The following MON1A variants were observed in gnomAD, a reference collection of about 807,000 sequenced individuals.
MON1A encodes vacuolar fusion protein MON1 homolog A.
A neutral mutation model predicts 44.6 loss-of-function variants in MON1A; 29 were observed. The observed-to-expected ratio is 0.65, with a 90% CI of 0.48 to 0.89. MON1A has a LOEUF of 0.89. Ranked by LOEUF, MON1A falls within the 40% of genes least tolerant of loss-of-function variation. The pLI is 0.00. For missense variants in MON1A, 615 were observed against 759.6 expected, an observed-to-expected ratio of 0.81 and a Z score of 2.24; for synonymous variants, 275 against 316.4, an observed-to-expected ratio of 0.87 and a Z score of 1.39.
rs1178707969 is a variant in MON1A, at chr3:49,909,826, C to A, written c.1379+293G>T. 5 of 385,824 alleles carry A rather than the reference C, an allele frequency of 1.3e-5. No homozygotes were observed. In the East Asian group the frequency reaches 2.1e-4, roughly 16 times the overall value. The allele number at this position is 385,824 out of a possible 1,614,324, so 23.9% of individuals were successfully genotyped here. A position where few individuals can be genotyped will look rare whatever the true frequency, so the allele number is the denominator to read the frequency against. The stretch of plus-strand genomic sequence containing the variant: ...TTCCTGAGCTGGACCAAAATGACCC[C>A]TAAAGTAGAGTTGCTCCAGGGCAAG... On this transcript the variant is annotated intron_variant, in intron 4 of 5. Transcript: ENST00000296473. This position sits in a 1 kb window ranked among gnomAD's most constrained non-coding sequence, Gnocchi z 4.0.
At chr3:49,918,515 G>A (rs1240885426) in intron 1 of MON1A, among the ~76,000 whole-genome samples, 1 of 151,362 alleles carries the variant, frequency 6.6e-6, no homozygotes, top group Non-Finnish European at 1.5e-5. Context: ...AGATTCAAGC[G>A]ATTCTCCTGC....
chr3:49,908,874 T>TC lies in MON1A; in HGVS notation c.*139dup. 1 of 950,538 alleles carries TC rather than the reference T, an allele frequency of 1.1e-6. No individual in the cohort carries two copies. The highest frequency in any genetic ancestry group is 1.5e-6 in the Non-Finnish European group (1 of 648,842). 58.9% of individuals were successfully genotyped at this position (950,538 alleles called of 1,614,324 possible). ...AAGTGACAGAGCTTGACAAGTGTCT[T>TC]CCCCAAAGCACTTTAATGCATTCAC... is the stretch of plus-strand genomic sequence containing the variant. On this transcript the variant is annotated 3_prime_UTR_variant, in exon 6 of 6. Coordinates refer to ENST00000296473, the MANE Select transcript of MON1A (RefSeq NM_032355.4).
At chr3:49,929,474 G>A in intron 1 of MON1A, 135 bp downstream of exon 1, 1 of 1,031,390 alleles carries the variant, frequency 9.7e-7, no homozygotes, top group Non-Finnish European at 1.5e-6. Flanking sequence ...AGGGACCGCA[G>A]GGAGACACAG....
At chr3:49,914,357 A>G (rs1444207499) in intron 1 of MON1A, among the ~76,000 whole-genome samples, 1 of 151,768 alleles carries the variant, frequency 6.6e-6, no homozygotes, top group Non-Finnish European at 1.5e-5. Flanking sequence ...TGCTGGGATT[A>G]CAGGTGTGAG....
chr3:49,918,981 A>G (rs1437832838), intron 1 of MON1A, among the ~76,000 whole-genome samples: 1 of 152,154 alleles, frequency 6.6e-6, no homozygotes, highest in African/African-American at 2.4e-5. Context: ...TAGGAGTTTG[A>G]GACCAGCTTA....
intron 2 of MON1A, 91 bp from the exon 3 acceptor site, chr3:49,912,102 T>C: frequency 6.9e-7 from 1 of 1,440,986 alleles, no homozygotes; most frequent in Non-Finnish European, 9.3e-7. Flanking sequence ...CCAGCATGAC[T>C]GCCTGTCTTG....
chr3:49,929,560 C>T lies in MON1A; in HGVS notation c.-14+49G>A, dbSNP rs1025924154. On this transcript the variant is annotated intron_variant, in intron 1 of 5. Coordinates refer to ENST00000296473, the MANE Select transcript of MON1A (RefSeq NM_032355.4). ...GCCCCTCCCTCCAAAGATGACAGCT[C>T]TCCAGTCTCTAGGTGCCTCCAGGCC... 2.8e-5 allele frequency: 43 copies of T among 1,547,732 alleles called. No homozygotes were observed. The Admixed American group carries it at 5.1e-4, about 18-fold the overall frequency.
intron 1 of MON1A, among the ~76,000 whole-genome samples, chr3:49,914,309 C>T (rs1260475435): frequency 6.6e-6 from 1 of 151,818 alleles, no homozygotes; most frequent in Admixed American, 6.6e-5. Flanking sequence ...TCTCGAACTC[C>T]CGACCTCAAG....
Position 49,911,683 on chromosome 3 carries a change from G to A in MON1A, c.456C>T (p.Arg152=), listed in dbSNP as rs2082886955. The A allele has an allele frequency of 1.2e-6, 2 of 1,614,140 alleles. No individual in the cohort carries two copies. The highest frequency in any genetic ancestry group is 2.2e-5 in the South Asian group (2 of 91,084). The change falls in exon 3 of 6, where the codon CGC becomes CGT. Residue 152 remains arginine (R), a synonymous_variant. Coordinates refer to ENST00000296473, the MANE Select transcript of MON1A (RefSeq NM_032355.4). This position sits in a 1 kb window ranked among gnomAD's most constrained non-coding sequence, Gnocchi z 5.7. ...GCACAAAGACATGCTTCTGGTGCAG[G>A]CGCCATGCCTCCGTGGCATCCTCCT... ...GDEEDATEAW[R]LHQKHVFVLS...
chr3:49,913,884 G>A (rs945158447), intron 1 of MON1A, among the ~76,000 whole-genome samples: 9 of 151,430 alleles, frequency 5.9e-5, no homozygotes, highest in Non-Finnish European at 1.0e-4. Context: ...GGCTGGTCTT[G>A]AACTCCTGAC....
Position 49,908,907 on chromosome 3 carries a change from C to T in MON1A, c.*107G>A, listed in dbSNP as rs1375069041. 1 of 1,360,726 alleles carries T rather than the reference C, an allele frequency of 7.3e-7. No individual in the cohort carries two copies. Among genetic ancestry groups the T allele is most frequent in the South Asian group, 1.5e-5 (1 of 67,550 alleles). The allele number at this position is 1,360,726 out of a possible 1,614,324, so 84.3% of individuals were successfully genotyped here. On this transcript the variant is annotated 3_prime_UTR_variant, in exon 6 of 6. Coordinates refer to ENST00000296473, the MANE Select transcript of MON1A (RefSeq NM_032355.4). ...GCACTTTAATGCATTCACCAACCCA[C>T]AGTCCCTGCCCGCTGGCTGGGCAAG... is the stretch of plus-strand genomic sequence containing the variant.
chr3:49,923,245 G>A (rs946507540), intron 1 of MON1A, among the ~76,000 whole-genome samples: 3 of 150,174 alleles, frequency 2.0e-5, no homozygotes, highest in African/African-American at 7.3e-5. Context: ...GGGAGGCTGA[G>A]GCAGGAGAAT....
intron 1 of MON1A, chr3:49,920,474 A>G (rs2082986470): frequency 6.6e-6 from 1 of 152,192 alleles, no homozygotes; most frequent in Non-Finnish European, 1.5e-5. Flanking sequence ...TCTGACTTAA[A>G]GAGGCACACA....
intron 2 of MON1A, 101 bp from the exon 3 acceptor site, chr3:49,912,112 G>C: frequency 7.2e-7 from 1 of 1,395,766 alleles, no homozygotes; most frequent in Non-Finnish European, 9.6e-7. Context: ...TGCCTGTCTT[G>C]TTAGGATCAA....
At chr3:49,916,249 C>T in intron 1 of MON1A, among the ~76,000 whole-genome samples, 1 of 152,154 alleles carries the variant, frequency 6.6e-6, no homozygotes, top group East Asian at 1.9e-4. Flanking sequence ...AAAGGGTGGT[C>T]CCAAACAGAT....
chr3:49,913,115 GA>G, intron 2 of MON1A, 104 bp downstream of exon 2: 1 of 1,476,652 alleles, frequency 6.8e-7, no homozygotes, highest in Non-Finnish European at 9.4e-7. Flanking sequence ...ATGAGTGACT[GA>G]CAAATGCATG....
intron 1 of MON1A, among the ~76,000 whole-genome samples, chr3:49,925,181 C>A (rs1481341210): frequency 6.6e-6 from 1 of 152,136 alleles, no homozygotes; most frequent in Non-Finnish European, 1.5e-5. Context: ...ATAGTGTGAT[C>A]ATGGTTCACT....
At chr3:49,923,210 G>T (rs969286462) in intron 1 of MON1A, among the ~76,000 whole-genome samples, 7 of 151,284 alleles carry the variant, frequency 4.6e-5, no homozygotes, top group Non-Finnish European at 1.5e-5. Flanking sequence ...GTGTGGTGGC[G>T]CATGCCTGTA....
rs2082851128 is a variant in MON1A at position 49,909,624 on chromosome 3, T to C, written c.1380-224A>G. ...TGTCCCCTCTTACCCCCTAAGCTCA[T>C]AGTGTCTTTGGTGACCCCTCTTTGG... On this transcript the variant is annotated intron_variant, in intron 4 of 5. Coordinates refer to ENST00000296473, the MANE Select transcript of MON1A (RefSeq NM_032355.4). The surrounding 1 kb of genome is among the most constrained non-coding windows in gnomAD (Gnocchi z 4.0). 3 of 573,970 alleles carry C rather than the reference T, an allele frequency of 5.2e-6. No individual in the cohort carries two copies. The highest frequency in any genetic ancestry group is 3.7e-5 in the African/African-American group (2 of 53,422). The allele number at this position is 573,970 out of a possible 1,614,324, so 35.6% of individuals were successfully genotyped here. A position where few individuals can be genotyped will look rare whatever the true frequency, so the allele number is the denominator to read the frequency against.
Sources: allele counts gnomAD v4.1 joint callset (sites outside exome capture counted in the v4.1 genomes callset), GRCh38; gene constraint gnomAD v4.1.1; non-coding constraint Gnocchi (gnomAD v3.1); transcripts MANE v1.5; gene names NCBI Gene and HGNC (gene_info 2026-07-23, HGNC 2026-07-21).